WDR86: variants seen among roughly 807,000 people sequenced by gnomAD.
WDR86 encodes the protein WD repeat domain 86.
A neutral mutation model predicts 36.5 loss-of-function variants in WDR86; 30 were observed. That is an observed-to-expected ratio of 0.82 (90% CI 0.61 to 1.11). WDR86 has a LOEUF of 1.11. Ranked by LOEUF, WDR86 falls within the 50% of genes most tolerant of loss-of-function variation. The pLI is 0.00. For synonymous variants in WDR86, 255 were observed against 252.9 expected, an observed-to-expected ratio of 1.01 and a Z score of -0.08; for missense variants, 545 against 561.2, an observed-to-expected ratio of 0.97 and a Z score of 0.29.
At chr7:151,408,886 C>T (rs1800958294) in intron 1 of WDR86, 1 of 470,188 alleles carries the variant, frequency 2.1e-6, no homozygotes, top group Non-Finnish European at 4.4e-6. Context: ...GGGCGAATTA[C>T]TTAACTCCCA....
chr7:151,402,070 A>AAAAAAAAAAATAT, intron 1 of WDR86, among the ~76,000 whole-genome samples: 6 of 50,530 alleles, frequency 1.2e-4, no homozygotes, highest in East Asian at 4.9e-4. Flanking sequence ...AAAAAAAAAA[A>AAAAAAAAAAATAT]ATATATATAT....
chr7:151,399,176 G>A (rs1257779997), intron 2 of WDR86, among the ~76,000 whole-genome samples: 1 of 152,156 alleles, frequency 6.6e-6, no homozygotes, highest in African/African-American at 2.4e-5. Flanking sequence ...CCTCCTCAGG[G>A]TGTCACCCAG....
In WDR86 at chr7:151,381,609, G is replaced by A. The variant is rs894901914; in HGVS notation, c.1104C>T (p.Cys368=). 6 of 1,373,944 alleles carry A rather than the reference G, an allele frequency of 4.4e-6. No individual in the cohort carries two copies. Among genetic ancestry groups the A allele is most frequent in the South Asian group, 3.4e-5 (2 of 58,858 alleles). The allele number at this position is 1,373,944 out of a possible 1,614,324, so 85.1% of individuals were successfully genotyped here. ...LSRLFSNKVG[C]AAAPLQPA is the part of the protein sequence containing the mutation. ...AGGCCGGCTGCAGGGGCGCGGCGGC[G>A]CAGCCCACCTTGTTGCTGAAGAGCC... Residue 368 remains cysteine (C), a synonymous_variant, in exon 6 of 6, where the codon TGC becomes TGT. Transcript: ENST00000334493. This position sits in a 1 kb window ranked among gnomAD's most constrained non-coding sequence, Gnocchi z 4.8.
At chr7:151,372,579 T>G (rs1226493909), downstream of WDR86, among the ~76,000 whole-genome samples, 1 of 152,018 alleles carries the variant, frequency 6.6e-6, no homozygotes, top group Non-Finnish European at 1.5e-5. Flanking sequence ...AAAGTGCAAA[T>G]GTGAGTGGTA....
chr7:151,378,127 C>T (rs1584983616), downstream of WDR86: 3 of 152,142 alleles, frequency 2.0e-5, no homozygotes, highest in South Asian at 4.1e-4. Context: ...GTATGTAGTT[C>T]GCTGTGTGTC....
At chr7:151,392,583 C>T (rs1400733686) in intron 3 of WDR86, among the ~76,000 whole-genome samples, 1 of 152,142 alleles carries the variant, frequency 6.6e-6, no homozygotes, top group Non-Finnish European at 1.5e-5. Flanking sequence ...TCCCTCATCC[C>T]ACGAGCCTGG....
At chr7:151,394,738 C>A (rs1223952189) in intron 3 of WDR86, among the ~76,000 whole-genome samples, 1 of 152,240 alleles carries the variant, frequency 6.6e-6, no homozygotes, top group Admixed American at 6.5e-5. Context: ...CACAAGCCCA[C>A]GGACGGGGCA....
chr7:151,385,236 G>A lies in WDR86; in HGVS notation c.727-13C>T. ...GTCGGTTCACCAGCTGCGAGGAGGAGCAGGGAAGGTCGGCAGCTGGGGCAG... is the reference window on the plus strand; with the variant it reads ...GTCGGTTCACCAGCTGCGAGGAGGAACAGGGAAGGTCGGCAGCTGGGGCAG... On this transcript the variant is annotated splice_polypyrimidine_tract_variant and intron_variant, in intron 3 of 5. Coordinates refer to ENST00000334493, the MANE Select transcript of WDR86 (RefSeq NM_198285.3). The A allele has an allele frequency of 6.2e-7, 1 of 1,610,038 alleles. No individual in the cohort carries two copies. Among genetic ancestry groups the A allele is most frequent in the Non-Finnish European group, 8.5e-7 (1 of 1,179,866 alleles).
At chr7:151,380,781 CG>C (rs1377901468), downstream of WDR86, among the ~76,000 whole-genome samples, 1 of 151,108 alleles carries the variant, frequency 6.6e-6, no homozygotes, top group African/African-American at 2.4e-5. Context: ...GGCTGCTGCC[CG>C]CCCCCACCCC....
chr7:151,369,414 A>G, the WDR86 span, among the ~76,000 whole-genome samples: 2 of 152,128 alleles, frequency 1.3e-5, no homozygotes, highest in African/African-American at 2.4e-5. Context: ...CTTTAACACC[A>G]TAGTGTATTT....
downstream of WDR86, chr7:151,376,476 C>T (rs760076279): frequency 7.8e-5 from 55 of 709,458 alleles, 1 homozygote; most frequent in South Asian, 1.0e-3. Context: ...GGTTGCTCTA[C>T]GCTCACATTG....
At chr7:151,394,866 G>A (rs1799696559) in intron 3 of WDR86, among the ~76,000 whole-genome samples, 1 of 152,254 alleles carries the variant, frequency 6.6e-6, no homozygotes, top group African/African-American at 2.4e-5. Flanking sequence ...GCACCGGGAT[G>A]TTCGAAGCAC....
At chr7:151,369,407 T>G in the WDR86 span, among the ~76,000 whole-genome samples, 1 of 152,244 alleles carries the variant, frequency 6.6e-6, no homozygotes, top group East Asian at 1.9e-4. Context: ...TCTCTTTCTT[T>G]AACACCATAG....
In WDR86 at chr7:151,381,443, C is replaced by T; in HGVS notation, c.*139G>A. The T allele has an allele frequency of 1.3e-6, 2 of 1,492,034 alleles. No homozygotes were observed. Among genetic ancestry groups the T allele is most frequent in the Admixed American group, 2.2e-5 (1 of 44,696 alleles). 92.4% of individuals were successfully genotyped at this position (1,492,034 alleles called of 1,614,324 possible). On this transcript the variant is annotated 3_prime_UTR_variant, in exon 6 of 6. Transcript: ENST00000334493. This position sits in a 1 kb window ranked among gnomAD's most constrained non-coding sequence, Gnocchi z 4.8. ...CCACCAAAGAAAAACCAGACGCCTG[C>T]GACGGGCTCTCCTCCCGCCCGGGCT...
chr7:151,409,831 G>C lies in WDR86; in HGVS notation c.-242C>G, dbSNP rs1371689278. On this transcript the variant is annotated 5_prime_UTR_variant, in exon 1 of 6. Coordinates refer to ENST00000334493, the MANE Select transcript of WDR86 (RefSeq NM_198285.3). This position sits in a 1 kb window ranked among gnomAD's most constrained non-coding sequence, Gnocchi z 5.2. ...CGGCCCACTCGGGACCTCCGCCCTG[G>C]GTAGAGTCCTGGGCGCGCGGGCAGA... 1 of 1,246,084 alleles carries C rather than the reference G, an allele frequency of 8.0e-7. No homozygotes were observed. The highest frequency in any genetic ancestry group is 3.3e-5 in the East Asian group (1 of 29,982). The allele number at this position is 1,246,084 out of a possible 1,614,324, so 77.2% of individuals were successfully genotyped here.
In WDR86 at chr7:151,395,514, C is replaced by CGG. The variant is rs879311721; in HGVS notation, c.726+261_726+262insCC. ...ATTAGGACACACACACACACACACA[C>CGG]ACACACACACACACACACACACACG... is the stretch of plus-strand genomic sequence containing the variant. On this transcript the variant is annotated intron_variant, in intron 3 of 5. Coordinates refer to ENST00000334493, the MANE Select transcript of WDR86 (RefSeq NM_198285.3). 5.1e-3 allele frequency among the ~76,000 whole-genome samples: 762 copies of CGG among 150,370 alleles called. 9 individuals are homozygous for CGG. The highest frequency in any genetic ancestry group is 0.017 in the African/African-American group (703 of 41,242).
At position 151,381,350 on chromosome 7, in the gene WDR86, G is replaced by C. The variant is rs1798544039; in HGVS notation, c.*232C>G. 7.1e-7 allele frequency: 1 copy of C among 1,406,624 alleles called. No homozygotes were observed. The highest frequency in any genetic ancestry group is 9.2e-7 in the Non-Finnish European group (1 of 1,089,736). 87.1% of individuals were successfully genotyped at this position (1,406,624 alleles called of 1,614,324 possible). A position where few individuals can be genotyped will look rare whatever the true frequency, so the allele number is the denominator to read the frequency against. ...AGGTCAGGGATGGGGAGGGAGGACA[G>C]GAGCCACCCTAAAAGGGAAAAGGGG... On this transcript the variant is annotated 3_prime_UTR_variant, in exon 6 of 6. Transcript: ENST00000334493. The surrounding 1 kb of genome is among the most constrained non-coding windows in gnomAD (Gnocchi z 4.8).
chr7:151,395,927 T>A lies in WDR86; in HGVS notation c.575A>T (p.His192Leu). The change falls in exon 3 of 6, where the codon CAC (histidine) becomes CTC (leucine). Residue 192 changes from histidine (H) to leucine (L), a missense_variant. Physicochemically the swap from His to Leu is moderately conservative, Grantham distance 99 (BLOSUM62 -3). Coordinates refer to ENST00000334493, the MANE Select transcript of WDR86 (RefSeq NM_198285.3). ...CACTAGGCACAGCACTGCACCCGTG[T>A]GGCCCCGCAGCGTCTGGTGGCAGCA... ...SGCCHQTLRG[H>L]TGAVLCLVLD... 6.3e-7 allele frequency: 1 copy of A among 1,597,892 alleles called. No homozygotes were observed. Among genetic ancestry groups the A allele is most frequent in the Non-Finnish European group, 8.5e-7 (1 of 1,175,556 alleles).
chr7:151,376,312 A>G (rs114247250), downstream of WDR86: 2,702 of 477,632 alleles, frequency 5.7e-3, 65 homozygotes, highest in African/African-American at 0.048. Context: ...TTGTGCCCCT[A>G]CACGCGTTAG....
Sources: gnomAD v4.1 joint callset for allele counts (sites outside exome capture counted in the v4.1 genomes callset) on GRCh38, gnomAD v4.1.1 for gene constraint, Gnocchi (gnomAD v3.1) non-coding constraint, MANE v1.5 for transcripts, NCBI Gene and HGNC (gene_info 2026-07-23, HGNC 2026-07-21) for gene names.